The following KCP variants were observed in gnomAD, a reference collection of about 807,000 sequenced individuals.
KCP encodes kielin/chordin-like protein.
In KCP, 194 loss-of-function variants were observed where a neutral mutation model predicts 212.7. That is an observed-to-expected ratio of 0.91 (90% CI 0.81 to 1.03). KCP has a LOEUF of 1.03. Among genes scored for constraint, KCP ranks in the 50% least tolerant of loss-of-function variants. KCP has a pLI of 0.00. For missense variants in KCP, 2,080 were observed against 2,162.5 expected (o/e 0.96, Z 0.76); for synonymous variants, 833 against 865.3 (o/e 0.96, Z 0.65).
At chr7:128,896,301 C>T (rs1794518102) in intron 8 of KCP, among the ~76,000 whole-genome samples, 1 of 152,090 alleles carries the variant, frequency 6.6e-6, no homozygotes, top group African/African-American at 2.4e-5. Flanking sequence ...TTAGAGGCCT[C>T]TCTTAATAAA....
intron 31 of KCP, 149 bp from the exon 32 acceptor site, chr7:128,881,234 G>A: frequency 2.5e-6 from 1 of 400,488 alleles, no homozygotes; most frequent in Admixed American, 4.4e-5. Context: ...AATATCCACA[G>A]GGCCTATTAG....
In KCP at chr7:128,884,838, G is replaced by C. The variant is rs377524953; in HGVS notation, c.3066C>G (p.Tyr1022Ter). The C allele has an allele frequency of 4.5e-6, 7 of 1,550,894 alleles. No homozygotes were observed. Among genetic ancestry groups the C allele is most frequent in the Non-Finnish European group, 6.1e-6 (7 of 1,146,996 alleles). The change falls in exon 28 of 40, where the codon TAC (tyrosine) becomes TAG (stop). Residue 1022 changes from tyrosine to a stop codon, truncating the protein, a stop_gained. Coordinates refer to ENST00000610776, the MANE Select transcript of KCP (RefSeq NM_001366122.1). LOFTEE classifies it high-confidence loss of function. ...CSDCEHEGRKYEPGESFQPGA... is the reference protein window; with the variant it reads ...CSDCEHEGRK ...CAGGCTGGAAGCTCTCCCCAGGCTCGTACTTCCGGCCCTCATGCTCACAGT... is the reference window on the plus strand; with the variant it reads ...CAGGCTGGAAGCTCTCCCCAGGCTCCTACTTCCGGCCCTCATGCTCACAGT...
chr7:128,877,250 G>A lies in KCP; in HGVS notation c.4680C>T (p.Arg1560=). 6.7e-7 allele frequency: 1 copy of A among 1,488,182 alleles called. No individual in the cohort carries two copies. The highest frequency in any genetic ancestry group is 8.9e-7 in the Non-Finnish European group (1 of 1,119,632). The allele number at this position is 1,488,182 out of a possible 1,614,324, so 92.2% of individuals were successfully genotyped here. ...VFDECGPPCP[R]TCFNQHIPLG... ...GGGGGATATGCTGATTGAAGCAGGT[G>A]CGGGGACAGGGTGGGCCGCACTCAT... The change falls in exon 40 of 40, where the codon CGC becomes CGT. Residue 1560 remains arginine (R), a synonymous_variant. Coordinates refer to ENST00000610776, the MANE Select transcript of KCP (RefSeq NM_001366122.1).
rs762550138 is a variant in KCP, at chr7:128,885,258, T to C, written c.2879A>G (p.His960Arg). The C allele has an allele frequency of 2.7e-5, 42 of 1,544,672 alleles. No homozygotes were observed. The South Asian group carries it at 5.0e-4, about 18-fold the overall frequency. The change falls in exon 27 of 40, where the codon CAT (histidine) becomes CGT (arginine). Residue 960 changes from histidine to arginine, a missense_variant. His to Arg is a conservative substitution (Grantham distance 29). Coordinates refer to ENST00000610776, the MANE Select transcript of KCP (RefSeq NM_001366122.1). Reference protein sequence around the residue: ...CCPRCRGCLAHGEEHPEGSRW... With the variant: ...CCPRCRGCLARGEEHPEGSRW... Reference sequence around the variant, plus strand: ...ACTGCCTTCGGGGTGCTCTTCCCCATGAGCCAGGCAGCCTGTGGTGCAAAG... The same window carrying C: ...ACTGCCTTCGGGGTGCTCTTCCCCACGAGCCAGGCAGCCTGTGGTGCAAAG...
chr7:128,891,668 G>A lies in KCP; in HGVS notation c.1773C>T (p.Thr591=), dbSNP rs887042367. 41 of 1,458,328 alleles carry A rather than the reference G, an allele frequency of 2.8e-5. No homozygotes were observed. Among genetic ancestry groups the A allele is most frequent in the Non-Finnish European group, 3.5e-5 (39 of 1,103,964 alleles). 90.3% of individuals were successfully genotyped at this position (1,458,328 alleles called of 1,614,324 possible). A position where few individuals can be genotyped will look rare whatever the true frequency, so the allele number is the denominator to read the frequency against. Residue 591 remains threonine (T), a synonymous_variant, in exon 17 of 40, where the codon ACC becomes ACT. Transcript: ENST00000610776. ...RAPCAHPLPG[T]CCPNDCSGCA... is the part of the protein sequence containing the mutation. ...CACCGCTGCAGTCGTTCGGGCAGCAGGTCCCAGGCAGCGGGTGGGCACAGG... is the reference window on the plus strand; with the variant it reads ...CACCGCTGCAGTCGTTCGGGCAGCAAGTCCCAGGCAGCGGGTGGGCACAGG...
intron 28 of KCP, among the ~76,000 whole-genome samples, chr7:128,884,467 G>T (rs893164204): frequency 2.0e-5 from 3 of 152,132 alleles, no homozygotes; most frequent in African/African-American, 7.2e-5. Flanking sequence ...CCATGGCCTT[G>T]CAAATAGAAT....
At chr7:128,903,030 C>T in intron 7 of KCP, 171 bp from the exon 8 acceptor site, 1 of 619,232 alleles carries the variant, frequency 1.6e-6, no homozygotes, top group South Asian at 1.9e-5. Flanking sequence ...GTGCCCCAGG[C>T]AGGGTGAGGC....
Position 128,876,974 on chromosome 7 carries a change from C to G in KCP, c.*69G>C. The stretch of plus-strand genomic sequence containing the variant: ...CAGGGCATTCTCTCCATAGCCCTAA[C>G]CAGGGTGGGAACTGCTCGCCAAGGG... On this transcript the variant is annotated 3_prime_UTR_variant, in exon 40 of 40. Coordinates refer to ENST00000610776, the MANE Select transcript of KCP (RefSeq NM_001366122.1). 6.6e-7 allele frequency: 1 copy of G among 1,506,194 alleles called. No homozygotes were observed. Among genetic ancestry groups the G allele is most frequent in the Non-Finnish European group, 8.8e-7 (1 of 1,130,362 alleles). 93.3% of individuals were successfully genotyped at this position (1,506,194 alleles called of 1,614,324 possible).
rs1410266342 is a variant in KCP at position 128,880,382 on chromosome 7, T to C, written c.3759+4A>G. On this transcript the variant is annotated splice_donor_region_variant and intron_variant, in intron 34 of 39. Transcript: ENST00000610776. ...TCCCCACCATTTTAGATTGCGGCAC[T>C]CACGGGGCCACACGAGAGCGGTGAG... 4.3e-6 allele frequency: 6 copies of C among 1,404,544 alleles called. No homozygotes were observed. 87.0% of individuals were successfully genotyped at this position (1,404,544 alleles called of 1,614,324 possible). A position where few individuals can be genotyped will look rare whatever the true frequency, so the allele number is the denominator to read the frequency against.
Position 128,886,972 on chromosome 7 carries a change from G to A in KCP, c.2599-6C>T. ...TGGCAGCGCATGGAACCTTCCTGGGGGAGAGAGGCCCATCACACCCTCAAC... is the reference window on the plus strand; with the variant it reads ...TGGCAGCGCATGGAACCTTCCTGGGAGAGAGAGGCCCATCACACCCTCAAC... On this transcript the variant is annotated splice_polypyrimidine_tract_variant and splice_region_variant and intron_variant, in intron 23 of 39. Coordinates refer to ENST00000610776, the MANE Select transcript of KCP (RefSeq NM_001366122.1). The A allele has an allele frequency of 6.9e-7, 1 of 1,448,522 alleles. No homozygotes were observed. The highest frequency in any genetic ancestry group is 9.5e-7 in the Non-Finnish European group (1 of 1,056,940). The allele number at this position is 1,448,522 out of a possible 1,614,324, so 89.7% of individuals were successfully genotyped here.
Position 128,892,889 on chromosome 7 carries a change from T to C in KCP, c.1400A>G (p.Gln467Arg). The C allele has an allele frequency of 6.5e-7, 1 of 1,546,810 alleles. No homozygotes were observed. Among genetic ancestry groups the C allele is most frequent in the South Asian group, 1.2e-5 (1 of 83,946 alleles). The change falls in exon 14 of 40, where the codon CAG becomes CGG. Residue 467 changes from glutamine to arginine, a missense_variant. By Grantham distance (43) the Gln-to-Arg change is conservative (BLOSUM62 1). Coordinates refer to ENST00000610776, the MANE Select transcript of KCP (RefSeq NM_001366122.1). ...GAVLCPPAPC[Q>R]HPTQPPGACC... ...CTCACCAGGGGGCTGGGTGGGGTGC[T>C]GGCAGGGGGCTGGGGGGCAGAGCAC...
rs1352101783 is a variant in KCP, at chr7:128,879,800, C to T, written c.3962G>A (p.Arg1321Gln). The T allele has an allele frequency of 4.5e-6, 7 of 1,550,692 alleles. No individual in the cohort carries two copies. The South Asian group carries it at 5.9e-5, about 13-fold the overall frequency. ...SVHVTNDDRGRSGVAWTQEVA... is the reference protein window; with the variant it reads ...SVHVTNDDRGQSGVAWTQEVA... ...CTCCTGGGTCCAGGCCACACCGCTCCGGCCCCGGTCATCATTGGTCACGTG... is the reference window on the plus strand; with the variant it reads ...CTCCTGGGTCCAGGCCACACCGCTCTGGCCCCGGTCATCATTGGTCACGTG... The change falls in exon 36 of 40, where the codon CGG becomes CAG. Residue 1321 changes from arginine to glutamine, a missense_variant. By Grantham distance (43) the Arg-to-Gln change is conservative. Coordinates refer to ENST00000610776, the MANE Select transcript of KCP (RefSeq NM_001366122.1).
rs1793266010 is a variant in KCP at position 128,880,531 on chromosome 7, G to A, written c.3617-3C>T. The A allele has an allele frequency of 6.8e-7, 1 of 1,475,024 alleles. No homozygotes were observed. The highest frequency in any genetic ancestry group is 2.3e-5 in the Admixed American group (1 of 43,766). The allele number at this position is 1,475,024 out of a possible 1,614,324, so 91.4% of individuals were successfully genotyped here. On this transcript the variant is annotated splice_region_variant and splice_polypyrimidine_tract_variant and intron_variant, in intron 33 of 39. Coordinates refer to ENST00000610776, the MANE Select transcript of KCP (RefSeq NM_001366122.1). ...GTGCACGCAGGACTGGGTGGGAGCT[G>A]AAGGGATAGGAGCTGGGAGGGTCAG...
Position 128,877,288 on chromosome 7 carries a change from C to A in KCP, c.4642G>T (p.Gly1548Cys). The A allele has an allele frequency of 6.6e-7, 1 of 1,512,320 alleles. No individual in the cohort carries two copies. Among genetic ancestry groups the A allele is most frequent in the Admixed American group, 2.5e-5 (1 of 39,854 alleles). 93.7% of individuals were successfully genotyped at this position (1,512,320 alleles called of 1,614,324 possible). A position where few individuals can be genotyped will look rare whatever the true frequency, so the allele number is the denominator to read the frequency against. The stretch of plus-strand genomic sequence containing the variant: ...GGGCCGCACTCATCAAACACGAAGC[C>A]ACGCTCCAGGGGGCAGCCTACCACT... The part of the protein sequence containing the change: ...LCVVGCPLER[G>C]FVFDECGPPC... Residue 1548 changes from glycine (G) to cysteine (C), a missense_variant, in exon 40 of 40, where the codon GGC becomes TGC. Physicochemically the swap from Gly to Cys is radical, Grantham distance 159. Coordinates refer to ENST00000610776, the MANE Select transcript of KCP (RefSeq NM_001366122.1).
At chr7:128,888,427 TACAC>T (rs571747124) in intron 22 of KCP, among the ~76,000 whole-genome samples, 19 of 52,398 alleles carry the variant, frequency 3.6e-4, no homozygotes, top group Non-Finnish European at 6.8e-4. Context: ...CAGCAACACA[TACAC>T]ACACATATAC....
Position 128,884,095 on chromosome 7 carries a change from G to A in KCP, c.3151C>T (p.Arg1051Cys). 1.1e-5 allele frequency: 17 copies of A among 1,545,074 alleles called. No homozygotes were observed. Among genetic ancestry groups the A allele is most frequent in the Middle Eastern group, 1.9e-4 (1 of 5,206 alleles). Reference protein sequence around the residue: ...EPQPEGPPSLRCHRRQCPSLV... With the variant: ...EPQPEGPPSLCCHRRQCPSLV... ...CTGGGACACTGCCGCCGGTGACAGCGAAGGCTGGGAGGCCCCTCAGGCTGT... is the reference window on the plus strand; with the variant it reads ...CTGGGACACTGCCGCCGGTGACAGCAAAGGCTGGGAGGCCCCTCAGGCTGT... The change falls in exon 29 of 40, where the codon CGC becomes TGC. Residue 1051 changes from arginine to cysteine, a missense_variant. By Grantham distance (180) the Arg-to-Cys change is radical. Transcript: ENST00000610776.
rs1484473626 is a variant in KCP at position 128,880,102 on chromosome 7, A to G, written c.3760-17T>C. 2.0e-6 allele frequency: 3 copies of G among 1,505,312 alleles called. No individual in the cohort carries two copies. Among genetic ancestry groups the G allele is most frequent in the Non-Finnish European group, 2.7e-6 (3 of 1,122,444 alleles). The allele number at this position is 1,505,312 out of a possible 1,614,324, so 93.2% of individuals were successfully genotyped here. On this transcript the variant is annotated splice_polypyrimidine_tract_variant and intron_variant, in intron 34 of 39. Coordinates refer to ENST00000610776, the MANE Select transcript of KCP (RefSeq NM_001366122.1). ...GGCCTTGTCCTGCACTCAGCCCCAG[A>G]CACTGTCAGACACACCGCCCTCCCC...
intron 1 of KCP, among the ~76,000 whole-genome samples, chr7:128,909,279 G>T (rs763927015): frequency 2.1e-4 from 32 of 152,142 alleles, no homozygotes; most frequent in Non-Finnish European, 4.3e-4. Context: ...TGAGGGTCTG[G>T]AGCGGAGGCA....
chr7:128,877,187 C>T lies in KCP; in HGVS notation c.4743G>A (p.Val1581=). 6.7e-7 allele frequency: 1 copy of T among 1,485,928 alleles called. No individual in the cohort carries two copies. Among genetic ancestry groups the T allele is most frequent in the Non-Finnish European group, 8.9e-7 (1 of 1,118,868 alleles). 92.0% of individuals were successfully genotyped at this position (1,485,928 alleles called of 1,614,324 possible). ...GGCCTGCAGGGCACTGGCAGCCGGG[C>T]ACGCAGGGCCTCACGCAGTGGGCTG... is the stretch of plus-strand genomic sequence containing the variant. ...ELAAHCVRPC[V]PGCQCPAGLV... is the part of the protein sequence containing the mutation. The change falls in exon 40 of 40, where the codon GTG becomes GTA. Residue 1581 remains valine (V), a synonymous_variant. Coordinates refer to ENST00000610776, the MANE Select transcript of KCP (RefSeq NM_001366122.1).
Sources: gnomAD v4.1 joint callset for allele counts (sites outside exome capture counted in the v4.1 genomes callset) on GRCh38, gnomAD v4.1.1 for gene constraint, MANE v1.5 for transcripts, NCBI Gene and HGNC (gene_info 2026-07-23, HGNC 2026-07-21) for gene names.